The following RGS7 variants were observed in gnomAD, a reference collection of about 807,000 sequenced individuals.
RGS7 encodes regulator of G-protein signaling 7.
RGS7 carries 27 observed loss-of-function variants against 81.1 expected under a neutral mutation model. The observed-to-expected ratio is 0.33, with a 90% confidence interval of 0.25 to 0.46. The LOEUF is 0.46. RGS7 is among the 20% of genes least tolerant of loss of function. The probability of loss-of-function intolerance (pLI) is 1.00; values close to 1 mark genes in which losing one functional copy is unlikely to be tolerated. For synonymous variants in RGS7, 208 were observed against 207.7 expected, an observed-to-expected ratio of 1.00 and a Z score of -0.01; for missense variants, 396 against 607.4, an observed-to-expected ratio of 0.65 and a Z score of 3.66.
chr1:241,113,258 G>A (rs1005722233), intron 2 of RGS7, among the ~76,000 whole-genome samples: 7 of 152,064 alleles, frequency 4.6e-5, no homozygotes, highest in African/African-American at 1.7e-4. Flanking sequence ...AAATAAAAAG[G>A]TACCTCACTT....
In RGS7 at chr1:241,163,750, C is replaced by A. The variant is rs2069934461; in HGVS notation, c.79-64988G>T. On this transcript the variant is annotated intron_variant, in intron 2 of 18. Coordinates refer to ENST00000440928, the MANE Select transcript of RGS7 (RefSeq NM_001364886.1). This position sits in a 1 kb window ranked among gnomAD's most constrained non-coding sequence, Gnocchi z 4.6. Reference sequence around the variant, plus strand: ...AACCCCACTGGGGAGTTGGGATAATCACTCTGCAGTTTTCCCCCATGCACA... The same window carrying A: ...AACCCCACTGGGGAGTTGGGATAATAACTCTGCAGTTTTCCCCCATGCACA... Among the ~76,000 whole-genome samples the A allele has an allele frequency of 6.6e-6, 1 of 150,498 alleles. No homozygotes were observed. The highest frequency in any genetic ancestry group is 2.5e-5 in the African/African-American group (1 of 39,852).
chr1:241,259,667 A>AAAAAAAAAAAAAAAT, intron 2 of RGS7, among the ~76,000 whole-genome samples: 9 of 49,140 alleles, frequency 1.8e-4, no homozygotes, highest in African/African-American at 2.4e-4. Context: ...AAAAAAAAAA[A>AAAAAAAAAAAAAAAT]ATATATATAT....
intron 18 of RGS7, among the ~76,000 whole-genome samples, chr1:240,779,183 C>T (rs188607871): frequency 2.6e-5 from 4 of 151,526 alleles, no homozygotes; most frequent in South Asian, 2.1e-4. Context: ...GGCGCAATCT[C>T]GGGTCACTGC....
intron 4 of RGS7, among the ~76,000 whole-genome samples, chr1:240,939,333 T>C (rs1026518971): frequency 6.6e-6 from 1 of 152,222 alleles, no homozygotes; most frequent in Non-Finnish European, 1.5e-5. Context: ...ATTTCATGTA[T>C]TGAAATATTA....
chr1:241,314,508 T>C (rs2080747600), intron 2 of RGS7, among the ~76,000 whole-genome samples: 1 of 152,272 alleles, frequency 6.6e-6, no homozygotes, highest in Non-Finnish European at 1.5e-5. Context: ...TTAACTTTTA[T>C]ATGCACTCAG....
chr1:240,793,611 A>ATATTTTTTTTT, intron 18 of RGS7, among the ~76,000 whole-genome samples: 1 of 78,814 alleles, frequency 1.3e-5, no homozygotes, highest in African/African-American at 9.7e-5. Context: ...ATATATATAT[A>ATATTTTTTTTT]TTTTTTTTTT....
At chr1:240,982,938 A>G (rs1258370706) in intron 4 of RGS7, 141 bp downstream of exon 4, 7 of 582,906 alleles carry the variant, frequency 1.2e-5, no homozygotes, top group East Asian at 1.1e-4. Context: ...AAATTTATAT[A>G]AATGTTAAAA....
chr1:241,085,973 A>C (rs2500246), intron 3 of RGS7, among the ~76,000 whole-genome samples: 30,368 of 152,118 alleles, frequency 0.2, 3,592 homozygotes, highest in African/African-American at 0.31. Context: ...TGCTGCTCCA[A>C]GTGAACTAAG....
chr1:241,298,454 G>C (rs1268716305), intron 2 of RGS7, among the ~76,000 whole-genome samples: 3 of 152,120 alleles, frequency 2.0e-5, no homozygotes, highest in Non-Finnish European at 4.4e-5. Context: ...TAGTTCTTCA[G>C]GTCCCCAGCC....
At chr1:240,860,506 A>G (rs1662007441) in intron 9 of RGS7, among the ~76,000 whole-genome samples, 1 of 152,112 alleles carries the variant, frequency 6.6e-6, no homozygotes, top group Non-Finnish European at 1.5e-5. Context: ...GCTTTGTCTG[A>G]AATTAATCTA....
intron 2 of RGS7, among the ~76,000 whole-genome samples, chr1:241,296,327 G>A (rs1253363228): frequency 6.6e-6 from 1 of 152,192 alleles, no homozygotes; most frequent in Non-Finnish European, 1.5e-5. Flanking sequence ...CAACACTGCA[G>A]AGTAGGAAAC....
At chr1:241,285,988 G>A (rs1231530002) in intron 2 of RGS7, among the ~76,000 whole-genome samples, 1 of 152,142 alleles carries the variant, frequency 6.6e-6, no homozygotes, top group African/African-American at 2.4e-5. Context: ...CTCAAAATGA[G>A]AGCCATGAAT....
chr1:241,236,938 A>C (rs1369506260), intron 2 of RGS7, among the ~76,000 whole-genome samples: 1 of 152,164 alleles, frequency 6.6e-6, no homozygotes, highest in Non-Finnish European at 1.5e-5. Flanking sequence ...TCCCAACAGC[A>C]TTGCTTTGCC....
intron 2 of RGS7, among the ~76,000 whole-genome samples, chr1:241,292,923 A>T (rs968375621): frequency 6.6e-6 from 1 of 152,256 alleles, no homozygotes; most frequent in Non-Finnish European, 1.5e-5. Flanking sequence ...ATGCATTCAT[A>T]TATTTTGCAG....
At chr1:240,973,740 C>T (rs1216641931) in intron 4 of RGS7, among the ~76,000 whole-genome samples, 1 of 151,892 alleles carries the variant, frequency 6.6e-6, no homozygotes, top group Non-Finnish European at 1.5e-5. Flanking sequence ...CAGGGGCCCA[C>T]CACCGCGCCC....
At chr1:241,096,828 T>G (rs969318740) in intron 3 of RGS7, among the ~76,000 whole-genome samples, 9 of 152,140 alleles carry the variant, frequency 5.9e-5, no homozygotes, top group African/African-American at 2.2e-4. Context: ...CCTATGTATT[T>G]TCATAATTCC....
chr1:240,990,998 G>C (rs1313856209), intron 3 of RGS7, among the ~76,000 whole-genome samples: 1 of 152,198 alleles, frequency 6.6e-6, no homozygotes, highest in Non-Finnish European at 1.5e-5. Flanking sequence ...AGAAAATGTT[G>C]GGTTTTGTTG....
At chr1:240,813,527 T>C in intron 13 of RGS7, 91 bp downstream of exon 13, 1 of 793,372 alleles carries the variant, frequency 1.3e-6, no homozygotes, top group Non-Finnish European at 2.2e-6. Context: ...CAAAATTACA[T>C]TCACAATTAG....
chr1:240,996,020 T>C (rs943709281), intron 3 of RGS7, among the ~76,000 whole-genome samples: 20 of 124,974 alleles, frequency 1.6e-4, no homozygotes, highest in Admixed American at 4.1e-4. Context: ...TTTTTATTGT[T>C]TTTTTTTTAT....
Sources: allele counts gnomAD v4.1 joint callset (sites outside exome capture counted in the v4.1 genomes callset), GRCh38; gene constraint gnomAD v4.1.1; non-coding constraint Gnocchi (gnomAD v3.1); transcripts MANE v1.5; gene names NCBI Gene and HGNC (gene_info 2026-07-23, HGNC 2026-07-21).